Variants in IMMP2L observed in about 807,000 individuals in gnomAD.
The protein encoded by IMMP2L is inner mitochondrial membrane peptidase subunit 2.
A neutral mutation model predicts 19.3 loss-of-function variants in IMMP2L; 18 were observed. The observed-to-expected ratio is 0.93, with a 90% CI of 0.64 to 1.38. IMMP2L has a LOEUF of 1.38. Ranked by LOEUF, IMMP2L falls within the 40% of genes most tolerant of loss-of-function variation. The pLI is 0.00. For missense variants in IMMP2L, 233 were observed against 218.2 expected, an observed-to-expected ratio of 1.07 and a Z score of -0.43; for synonymous variants, 76 against 73.0, an observed-to-expected ratio of 1.04 and a Z score of -0.21.
chr7:111,561,654 A>C (rs1241109393), intron 1 of IMMP2L, among the ~76,000 whole-genome samples, 197 bp downstream of exon 1: 1 of 152,084 alleles, frequency 6.6e-6, no homozygotes, highest in East Asian at 1.9e-4. Flanking sequence ...GTTAAACTCT[A>C]TAGACTGTGT....
intron 5 of IMMP2L, among the ~76,000 whole-genome samples, chr7:110,775,337 A>G (rs566903537): frequency 1.3e-4 from 19 of 151,498 alleles, no homozygotes; most frequent in Non-Finnish European, 2.4e-4. Context: ...TTTACAAAAC[A>G]TAGAACTGAT....
intron 3 of IMMP2L, among the ~76,000 whole-genome samples, chr7:111,453,390 C>G (rs1839396355): frequency 6.6e-6 from 1 of 152,190 alleles, no homozygotes; most frequent in African/African-American, 2.4e-5. Flanking sequence ...TGATTTTCCA[C>G]TGATCAGCAC....
At chr7:111,349,633 G>A (rs1434528956) in intron 3 of IMMP2L, among the ~76,000 whole-genome samples, 1 of 152,162 alleles carries the variant, frequency 6.6e-6, no homozygotes, top group Non-Finnish European at 1.5e-5. Flanking sequence ...TGTAGAGGAA[G>A]AAGGGTAGTC....
chr7:111,531,173 T>A (rs892638814), intron 1 of IMMP2L, among the ~76,000 whole-genome samples: 2 of 151,996 alleles, frequency 1.3e-5, no homozygotes, highest in Non-Finnish European at 2.9e-5. Context: ...GCCAGGATGG[T>A]CTCAATTTCC....
intron 5 of IMMP2L, among the ~76,000 whole-genome samples, chr7:110,698,166 C>G (rs553302910): frequency 6.6e-6 from 1 of 152,276 alleles, no homozygotes; most frequent in South Asian, 2.1e-4. Context: ...TCTACCCAAA[C>G]TCTCCACCAT....
chr7:110,924,151 T>A lies in IMMP2L; in HGVS notation c.306-37456A>T, dbSNP rs190298387. Among the ~76,000 whole-genome samples the A allele has an allele frequency of 2.0e-5, 3 of 152,300 alleles. No individual in the cohort carries two copies. Among genetic ancestry groups the A allele is most frequent in the Admixed American group, 2.0e-4 (3 of 15,282 alleles). Reference sequence around the variant, plus strand: ...TTGTGATTTCACATAGAGCACTGATTCATTTGAACAGGCAACCTTTATCAG... The same window carrying A: ...TTGTGATTTCACATAGAGCACTGATACATTTGAACAGGCAACCTTTATCAG... On this transcript the variant is annotated intron_variant, in intron 4 of 5. Coordinates refer to ENST00000405709, the MANE Select transcript of IMMP2L (RefSeq NM_032549.4). The surrounding 1 kb of genome is among the most constrained non-coding windows in gnomAD (Gnocchi z 4.2).
chr7:111,508,782 G>C (rs763766920), intron 2 of IMMP2L, among the ~76,000 whole-genome samples: 1 of 152,166 alleles, frequency 6.6e-6, no homozygotes, highest in Non-Finnish European at 1.5e-5. Context: ...GGATCTATCA[G>C]AGGAAATCAT....
intron 4 of IMMP2L, among the ~76,000 whole-genome samples, chr7:110,937,838 G>C (rs1259465416): frequency 1.3e-5 from 2 of 152,154 alleles, no homozygotes; most frequent in East Asian, 3.9e-4. Flanking sequence ...AGTGAATCTT[G>C]TCTCAGTTTC....
intron 4 of IMMP2L, among the ~76,000 whole-genome samples, chr7:110,930,319 GT>G (rs34021196): frequency 0.25 from 37,670 of 148,028 alleles, 5,987 homozygotes; most frequent in East Asian, 0.58. Context: ...TCATTAACAT[GT>G]TTTTTTTTTT....
Position 110,727,619 on chromosome 7 carries a change from C to A in IMMP2L, c.409-63898G>T, listed in dbSNP as rs983671456. ...GAGAGAGGAGACCAAGTATCCTTTC[C>A]CCACTGCAGGTTTCCTGCCTCAAGG... On this transcript the variant is annotated intron_variant, in intron 5 of 5. Coordinates refer to ENST00000405709, the MANE Select transcript of IMMP2L (RefSeq NM_032549.4). The surrounding 1 kb of genome is among the most constrained non-coding windows in gnomAD (Gnocchi z 4.3). 1.3e-5 allele frequency among the ~76,000 whole-genome samples: 2 copies of A among 151,496 alleles called. No homozygotes were observed. The highest frequency in any genetic ancestry group is 6.6e-5 in the Admixed American group (1 of 15,222).
intron 3 of IMMP2L, among the ~76,000 whole-genome samples, chr7:110,969,863 C>G (rs1713141570): frequency 6.6e-6 from 1 of 152,000 alleles, no homozygotes; most frequent in African/African-American, 2.4e-5. Flanking sequence ...TTTCTAGAGA[C>G]CTAAGAAGGC....
intron 5 of IMMP2L, among the ~76,000 whole-genome samples, chr7:110,854,262 T>C (rs1806527101): frequency 6.6e-6 from 1 of 151,994 alleles, no homozygotes; most frequent in Admixed American, 6.6e-5. Flanking sequence ...TTGTTTTATA[T>C]ATCAGTGGAA....
chr7:111,420,760 T>C (rs1219096754), intron 3 of IMMP2L, among the ~76,000 whole-genome samples: 1 of 151,806 alleles, frequency 6.6e-6, no homozygotes, highest in Non-Finnish European at 1.5e-5. Context: ...GACTACATAG[T>C]ATTCCATGGT....
intron 3 of IMMP2L, among the ~76,000 whole-genome samples, chr7:111,231,985 G>A (rs1033336757): frequency 6.6e-6 from 1 of 151,854 alleles, no homozygotes; most frequent in Non-Finnish European, 1.5e-5. Flanking sequence ...GAGTTCTCAA[G>A]TATAAAAGCC....
chr7:110,861,087 G>C (rs1258223694), intron 5 of IMMP2L, among the ~76,000 whole-genome samples: 2 of 104,144 alleles, frequency 1.9e-5, no homozygotes, highest in Admixed American at 9.5e-5. Flanking sequence ...GTGTGTGTGT[G>C]TGTGTGTGTG....
At chr7:110,780,704 T>A (rs1365046363) in intron 5 of IMMP2L, among the ~76,000 whole-genome samples, 3 of 151,804 alleles carry the variant, frequency 2.0e-5, no homozygotes, top group Non-Finnish European at 2.9e-5. Flanking sequence ...TAAAAAAAAA[T>A]CTAGAAGTCT....
At chr7:110,971,917 G>A (rs1054191553) in intron 3 of IMMP2L, among the ~76,000 whole-genome samples, 14 of 151,954 alleles carry the variant, frequency 9.2e-5, no homozygotes, top group Non-Finnish European at 4.4e-5. Flanking sequence ...GGAGAGGTGA[G>A]ATGCCACATA....
At chr7:111,453,731 G>C (rs1000056049) in intron 3 of IMMP2L, among the ~76,000 whole-genome samples, 3 of 152,088 alleles carry the variant, frequency 2.0e-5, no homozygotes, top group African/African-American at 7.2e-5. Flanking sequence ...CCAATGTCTT[G>C]ATCCAACCCA....
intron 4 of IMMP2L, among the ~76,000 whole-genome samples, chr7:110,953,483 G>T (rs1468955483): frequency 6.6e-6 from 1 of 152,028 alleles, no homozygotes; most frequent in Non-Finnish European, 1.5e-5. Context: ...CCATGTCCCT[G>T]CAAAGGACAT....
Sources: allele counts gnomAD v4.1 joint callset (sites outside exome capture counted in the v4.1 genomes callset), GRCh38; gene constraint gnomAD v4.1.1; non-coding constraint Gnocchi (gnomAD v3.1); transcripts MANE v1.5; gene names NCBI Gene and HGNC (gene_info 2026-07-23, HGNC 2026-07-21).